Variants in PTPRT observed in about 807,000 individuals in gnomAD.
PTPRT encodes the protein receptor-type tyrosine-protein phosphatase T.
In PTPRT, 56 loss-of-function variants were observed where a neutral mutation model predicts 176.8. The observed-to-expected ratio is 0.32, with a 90% CI of 0.26 to 0.40. PTPRT has a LOEUF of 0.40. Among genes scored for constraint, PTPRT ranks in the 10% least tolerant of loss-of-function variants. The probability of loss-of-function intolerance (pLI) is 1.00; values close to 1 mark genes in which losing one functional copy is unlikely to be tolerated. For missense variants in PTPRT, 1,540 were observed against 1,908.2 expected (o/e 0.81, Z 3.60); for synonymous variants, 783 against 739.0 (o/e 1.06, Z -0.96).
At chr20:42,183,511 A>G (rs888015715) in intron 16 of PTPRT, among the ~76,000 whole-genome samples, 3 of 152,246 alleles carry the variant, frequency 2.0e-5, no homozygotes, top group African/African-American at 7.2e-5. Flanking sequence ...AGAGACCACA[A>G]AACTACTTGC....
intron 7 of PTPRT, among the ~76,000 whole-genome samples, chr20:42,502,966 G>A (rs2071777949): frequency 6.6e-6 from 1 of 152,042 alleles, no homozygotes; most frequent in African/African-American, 2.4e-5. Flanking sequence ...AATACTTGGT[G>A]TTTCAGGCTA....
At position 42,149,953 on chromosome 20, in the gene PTPRT, AG is replaced by A. The variant is rs1452649739; in HGVS notation, c.2683-7952del. Among the ~76,000 whole-genome samples the A allele has an allele frequency of 4.6e-5, 7 of 152,320 alleles. No individual in the cohort carries two copies. The East Asian group carries it at 1.4e-3, about 29-fold the overall frequency. ...CTCAGACCACATGACCACAAGTCAC[AG>A]ACTTCTTGTGTTCTGCTGTGCTGAC... On this transcript the variant is annotated intron_variant, in intron 17 of 30. Coordinates refer to ENST00000373187, the MANE Select transcript of PTPRT (RefSeq NM_007050.6).
chr20:42,623,943 T>C (rs1368700771), intron 7 of PTPRT, among the ~76,000 whole-genome samples: 5 of 149,954 alleles, frequency 3.3e-5, no homozygotes, highest in African/African-American at 1.0e-4. Context: ...AGCTCTGCAA[T>C]ACACCTGAGC....
chr20:42,970,379 T>C (rs1982555567), intron 1 of PTPRT, among the ~76,000 whole-genome samples: 1 of 152,160 alleles, frequency 6.6e-6, no homozygotes, highest in African/African-American at 2.4e-5. Flanking sequence ...AAGACGACTA[T>C]TAATTGGCTG....
chr20:42,182,057 A>G (rs1221963386), intron 16 of PTPRT, among the ~76,000 whole-genome samples: 1 of 152,220 alleles, frequency 6.6e-6, no homozygotes, highest in Non-Finnish European at 1.5e-5. Context: ...TGTGAAAGCC[A>G]TATTTTGGGA....
chr20:42,784,089 G>T (rs947594925), intron 3 of PTPRT, among the ~76,000 whole-genome samples: 1 of 152,192 alleles, frequency 6.6e-6, no homozygotes, highest in East Asian at 1.9e-4. Flanking sequence ...CCTGGTGCGG[G>T]TGTTGAAGAG....
chr20:42,251,170 G>T (rs1037374302), intron 13 of PTPRT, among the ~76,000 whole-genome samples: 2 of 152,172 alleles, frequency 1.3e-5, no homozygotes, highest in South Asian at 2.1e-4. Context: ...TGGAGGAAGG[G>T]TTGTCTCTGG....
intron 2 of PTPRT, among the ~76,000 whole-genome samples, chr20:42,807,861 A>T (rs1273374627): frequency 1.3e-5 from 2 of 152,244 alleles, no homozygotes; most frequent in Non-Finnish European, 2.9e-5. Context: ...CACAGAATAA[A>T]TATTTTATTC....
At chr20:42,478,944 C>T (rs758035053) in intron 7 of PTPRT, among the ~76,000 whole-genome samples, 2 of 152,074 alleles carry the variant, frequency 1.3e-5, no homozygotes, top group African/African-American at 4.8e-5. Context: ...AGCTGAAGAC[C>T]AAGCCACCCG....
chr20:42,634,099 A>C (rs1445450439), intron 7 of PTPRT, among the ~76,000 whole-genome samples: 3 of 46,178 alleles, frequency 6.5e-5, no homozygotes, highest in East Asian at 8.7e-4. Context: ...ATAATAATAT[A>C]TATATTATAA....
At chr20:42,855,174 T>G (rs1360679650) in intron 2 of PTPRT, among the ~76,000 whole-genome samples, 2 of 152,210 alleles carry the variant, frequency 1.3e-5, no homozygotes, top group African/African-American at 2.4e-5. Flanking sequence ...CATGTCATAC[T>G]GGCTATGAAA....
At chr20:42,454,772 T>A (rs943278963) in intron 8 of PTPRT, among the ~76,000 whole-genome samples, 2 of 152,224 alleles carry the variant, frequency 1.3e-5, no homozygotes, top group African/African-American at 4.8e-5. Flanking sequence ...TGATCAGATT[T>A]TAGTTTTTGT....
At chr20:42,176,855 A>T (rs1403482622) in intron 16 of PTPRT, among the ~76,000 whole-genome samples, 2 of 152,232 alleles carry the variant, frequency 1.3e-5, no homozygotes, top group Non-Finnish European at 2.9e-5. Flanking sequence ...AATGTGCAAC[A>T]GATGTTTGAA....
In PTPRT at chr20:43,091,725, G is replaced by A. The variant is rs1486855684; in HGVS notation, c.88+97921C>T. Among the ~76,000 whole-genome samples, 3 of 152,256 alleles carry A rather than the reference G, an allele frequency of 2.0e-5. No individual in the cohort carries two copies. The East Asian group carries it at 5.8e-4, about 29-fold the overall frequency. ...AAGGTTGGGGATTCTAGAAAGAGAAGAATTCCAGGACCGCAAGAAGAGCAG... is the reference window on the plus strand; with the variant it reads ...AAGGTTGGGGATTCTAGAAAGAGAAAAATTCCAGGACCGCAAGAAGAGCAG... On this transcript the variant is annotated intron_variant, in intron 1 of 30. Coordinates refer to ENST00000373187, the MANE Select transcript of PTPRT (RefSeq NM_007050.6).
At chr20:42,911,965 A>C (rs1978407887) in intron 1 of PTPRT, among the ~76,000 whole-genome samples, 1 of 144,740 alleles carries the variant, frequency 6.9e-6, no homozygotes, top group Admixed American at 7.5e-5. Flanking sequence ...TACTAACCCA[A>C]ATCCTCTTTT....
chr20:42,359,675 A>G (rs1046747256), intron 9 of PTPRT, among the ~76,000 whole-genome samples: 2 of 152,222 alleles, frequency 1.3e-5, no homozygotes, highest in African/African-American at 4.8e-5. Flanking sequence ...CCCTGGAGAC[A>G]ACAGAACAGA....
intron 17 of PTPRT, among the ~76,000 whole-genome samples, chr20:42,153,217 T>G (rs755613744): frequency 1.3e-5 from 2 of 152,252 alleles, no homozygotes; most frequent in African/African-American, 2.4e-5. Context: ...TCTTTATTTA[T>G]CTTTCTATCT....
intron 6 of PTPRT, among the ~76,000 whole-genome samples, chr20:42,684,660 A>G (rs184234842): frequency 5.2e-4 from 79 of 152,350 alleles, no homozygotes; most frequent in African/African-American, 1.8e-3. Flanking sequence ...GACTCTGAAG[A>G]GCACAGTGGG....
At chr20:42,173,019 T>C (rs1215954060) in intron 16 of PTPRT, among the ~76,000 whole-genome samples, 2 of 152,234 alleles carry the variant, frequency 1.3e-5, no homozygotes, top group African/African-American at 2.4e-5. Context: ...AATATGTGGC[T>C]GGTCATACAT....
Sources: allele counts gnomAD v4.1 joint callset (sites outside exome capture counted in the v4.1 genomes callset), GRCh38; gene constraint gnomAD v4.1.1; transcripts MANE v1.5; gene names NCBI Gene and HGNC (gene_info 2026-07-23, HGNC 2026-07-21).